Variants in SPIDR observed in about 807,000 individuals in gnomAD.
SPIDR encodes the protein scaffold protein involved in DNA repair.
Under a neutral mutation model 104.6 loss-of-function variants are expected in SPIDR, and 93 were observed. The ratio of observed to expected loss-of-function variants is 0.89; its 90% CI spans 0.75 to 1.06. The LOEUF (loss-of-function observed/expected upper bound fraction) is 1.06, where lower values mean the gene tolerates loss of function less well. SPIDR is among the 50% of genes least tolerant of loss of function. The pLI, the probability that SPIDR is intolerant of heterozygous loss-of-function variation, is 0.00. For missense variants in SPIDR, 1,154 were observed against 1,111.2 expected, an observed-to-expected ratio of 1.04 and a Z score of -0.55; for synonymous variants, 431 against 416.9, an observed-to-expected ratio of 1.03 and a Z score of -0.41.
chr8:47,334,481 G>A (rs538688470), intron 5 of SPIDR, among the ~76,000 whole-genome samples: 2 of 152,186 alleles, frequency 1.3e-5, no homozygotes, highest in South Asian at 4.1e-4. Context: ...GTGTCTTCTT[G>A]GACAATTGAA....
intron 10 of SPIDR, among the ~76,000 whole-genome samples, chr8:47,631,222 C>T (rs1405387067): frequency 6.6e-6 from 1 of 152,172 alleles, no homozygotes; most frequent in Non-Finnish European, 1.5e-5. Context: ...AGTGGGCAGA[C>T]GGGCACCCTA....
At chr8:47,503,190 C>G (rs1433339885) in intron 8 of SPIDR, among the ~76,000 whole-genome samples, 1 of 152,094 alleles carries the variant, frequency 6.6e-6, no homozygotes, top group East Asian at 1.9e-4. Flanking sequence ...CCTGAATATC[C>G]TTGTTAACTT....
chr8:47,730,642 AC>A (rs1563691406), intron 19 of SPIDR, among the ~76,000 whole-genome samples: 1 of 152,150 alleles, frequency 6.6e-6, no homozygotes, highest in East Asian at 1.9e-4. Context: ...GTGCAGTGAC[AC>A]AACCATAAGC....
chr8:47,684,947 C>T (rs1034487604), intron 11 of SPIDR, among the ~76,000 whole-genome samples: 2 of 152,266 alleles, frequency 1.3e-5, no homozygotes, highest in South Asian at 2.1e-4. Context: ...ATGGGCCGGG[C>T]GCCCATTACA....
chr8:47,434,853 A>AT (rs782628085), intron 7 of SPIDR, among the ~76,000 whole-genome samples: 2 of 152,242 alleles, frequency 1.3e-5, no homozygotes, highest in Non-Finnish European at 2.9e-5. Flanking sequence ...CGTGAGTATA[A>AT]TTGGACCCTG....
chr8:47,709,245 A>G (rs1248359401), intron 14 of SPIDR, among the ~76,000 whole-genome samples: 1 of 152,174 alleles, frequency 6.6e-6, no homozygotes. Context: ...GGTTCAAGCA[A>G]TTCTCCTGTC....
At chr8:47,670,826 T>C (rs2154471427) in intron 10 of SPIDR, among the ~76,000 whole-genome samples, 1 of 152,352 alleles carries the variant, frequency 6.6e-6, no homozygotes, top group South Asian at 2.1e-4. Flanking sequence ...TTGGGTTGTT[T>C]GTATTTTTGC....
At chr8:47,484,452 C>T (rs2077268903) in intron 8 of SPIDR, among the ~76,000 whole-genome samples, 1 of 152,216 alleles carries the variant, frequency 6.6e-6, no homozygotes, top group African/African-American at 2.4e-5. Flanking sequence ...ACCTCATAGT[C>T]CTGTATGCAG....
chr8:47,324,532 TATAAG>T (rs1432045378), intron 5 of SPIDR, among the ~76,000 whole-genome samples: 5 of 152,230 alleles, frequency 3.3e-5, no homozygotes, highest in African/African-American at 7.2e-5. Context: ...ATCAAAACCT[TATAAG>T]ATGTTTTATC....
intron 5 of SPIDR, among the ~76,000 whole-genome samples, chr8:47,360,135 G>A (rs552616089): frequency 6.1e-4 from 92 of 151,614 alleles, no homozygotes; most frequent in African/African-American, 1.8e-3. Flanking sequence ...CCAGCTACTC[G>A]GGAGGCTGAG....
intron 11 of SPIDR, among the ~76,000 whole-genome samples, chr8:47,694,411 G>A (rs1316471600): frequency 6.6e-6 from 1 of 152,030 alleles, no homozygotes; most frequent in Non-Finnish European, 1.5e-5. Context: ...ACTGAGAGAG[G>A]GGAGACAATC....
intron 7 of SPIDR, among the ~76,000 whole-genome samples, chr8:47,421,839 C>T (rs964985557): frequency 2.6e-5 from 4 of 152,216 alleles, no homozygotes; most frequent in African/African-American, 9.7e-5. Context: ...AGTCAGGACC[C>T]TCAGCTGCAG....
At chr8:47,498,085 A>G (rs994216876) in intron 8 of SPIDR, among the ~76,000 whole-genome samples, 4 of 152,202 alleles carry the variant, frequency 2.6e-5, no homozygotes, top group Non-Finnish European at 5.9e-5. Context: ...TACAAACATA[A>G]TGTCAAGAAT....
chr8:47,579,914 A>G (rs1363471187), intron 8 of SPIDR, among the ~76,000 whole-genome samples: 2 of 152,218 alleles, frequency 1.3e-5, no homozygotes, highest in Non-Finnish European at 2.9e-5. Flanking sequence ...ATGGTCTGGT[A>G]TCTTGGAAAG....
chr8:47,730,917 A>G (rs985509060), intron 19 of SPIDR, among the ~76,000 whole-genome samples: 4 of 152,188 alleles, frequency 2.6e-5, no homozygotes, highest in Admixed American at 2.6e-4. Context: ...GGGATCTTTG[A>G]GGATCACAAG....
chr8:47,352,865 C>A (rs1327395361), intron 5 of SPIDR, among the ~76,000 whole-genome samples: 4 of 151,732 alleles, frequency 2.6e-5, no homozygotes, highest in African/African-American at 4.8e-5. Context: ...ACCATCCTGG[C>A]CAACGTGGTG....
rs947382125 is a variant in SPIDR, at chr8:47,735,733, C to T, written c.*283C>T. 2 of 696,220 alleles carry T rather than the reference C, an allele frequency of 2.9e-6. No individual in the cohort carries two copies. The highest frequency in any genetic ancestry group is 2.2e-5 in the South Asian group (1 of 44,962). The allele number at this position is 696,220 out of a possible 1,614,324, so 43.1% of individuals were successfully genotyped here. A position where few individuals can be genotyped will look rare whatever the true frequency, so the allele number is the denominator to read the frequency against. ...TTAAGCTCTTCATTTGGTATTTAGGCAATATATGAGAAAAAAATTTTTTTT... is the reference window on the plus strand; with the variant it reads ...TTAAGCTCTTCATTTGGTATTTAGGTAATATATGAGAAAAAAATTTTTTTT... On this transcript the variant is annotated 3_prime_UTR_variant, in exon 20 of 20. Transcript: ENST00000297423.
chr8:47,423,915 A>T (rs2065990027), intron 7 of SPIDR, among the ~76,000 whole-genome samples: 1 of 152,246 alleles, frequency 6.6e-6, no homozygotes, highest in African/African-American at 2.4e-5. Flanking sequence ...TGCTTTGCTC[A>T]TTATCTGCAT....
At chr8:47,526,124 G>T (rs1303746067) in intron 8 of SPIDR, among the ~76,000 whole-genome samples, 1 of 152,212 alleles carries the variant, frequency 6.6e-6, no homozygotes, top group Admixed American at 6.5e-5. Flanking sequence ...AGAAAGGAAA[G>T]ATGTTCTGTT....
Sources: allele counts gnomAD v4.1 joint callset (sites outside exome capture counted in the v4.1 genomes callset), GRCh38; gene constraint gnomAD v4.1.1; transcripts MANE v1.5; gene names NCBI Gene and HGNC (gene_info 2026-07-23, HGNC 2026-07-21).